Variants in PDIA5 observed in about 807,000 individuals in gnomAD.
PDIA5 encodes the protein protein disulfide isomerase family A member 5, also known as protein disulfide-isomerase A5.
A neutral mutation model predicts 77.6 loss-of-function variants in PDIA5; 58 were observed. The ratio of observed to expected loss-of-function variants is 0.75; its 90% CI spans 0.61 to 0.93. The LOEUF is 0.93. Ranked by LOEUF, PDIA5 falls within the 40% of genes least tolerant of loss-of-function variation. The pLI is 0.00. For synonymous variants in PDIA5, 250 were observed against 252.1 expected (o/e 0.99, Z 0.08); for missense variants, 630 against 647.7 (o/e 0.97, Z 0.30).
intron 6 of PDIA5, among the ~76,000 whole-genome samples, chr3:123,107,898 C>T (rs1356920444): frequency 6.6e-6 from 1 of 151,986 alleles, no homozygotes; most frequent in Non-Finnish European, 1.5e-5. Context: ...AATTCCTGGG[C>T]TCAAGCAATC....
At chr3:123,130,930 T>C (rs892326250) in intron 11 of PDIA5, among the ~76,000 whole-genome samples, 1 of 152,142 alleles carries the variant, frequency 6.6e-6, no homozygotes, top group Non-Finnish European at 1.5e-5. Context: ...GAAATTAAGC[T>C]GGAAGCACCC....
At chr3:123,067,330 C>A in intron 1 of PDIA5, 124 bp downstream of exon 1, 1 of 840,602 alleles carries the variant, frequency 1.2e-6, no homozygotes, top group Non-Finnish European at 1.6e-6. Flanking sequence ...GGGATGAGGG[C>A]GTGCATGCCA....
Position 123,155,007 on chromosome 3 carries a change from C to T in PDIA5, c.1310C>T (p.Thr437Ile), listed in dbSNP as rs1342051879. 2 of 1,612,562 alleles carry T rather than the reference C, an allele frequency of 1.2e-6. No individual in the cohort carries two copies. Among genetic ancestry groups the T allele is most frequent in the African/African-American group, 2.7e-5 (2 of 74,886 alleles). The change falls in exon 15 of 17, where the codon ACT (threonine) becomes ATT (isoleucine). Residue 437 changes from threonine to isoleucine, a missense_variant. Physicochemically the swap from Thr to Ile is moderately conservative, Grantham distance 89. Coordinates refer to ENST00000316218, the MANE Select transcript of PDIA5 (RefSeq NM_006810.4). The stretch of plus-strand genomic sequence containing the variant: ...TGTAAGAAGGTCATTCCGCACTTTA[C>T]TGCTACTGCTGATGCCTTCAAAGAT... ...PHCKKVIPHF[T>I]ATADAFKDDR... is the part of the protein sequence containing the mutation.
chr3:123,139,247 A>C (rs942583346), intron 11 of PDIA5, among the ~76,000 whole-genome samples: 1 of 152,112 alleles, frequency 6.6e-6, no homozygotes, highest in Non-Finnish European at 1.5e-5. Context: ...TCCTCCTCCA[A>C]CTGTCCCACA....
chr3:123,125,737 G>C (rs574520197), intron 10 of PDIA5, among the ~76,000 whole-genome samples: 2 of 152,080 alleles, frequency 1.3e-5, no homozygotes, highest in African/African-American at 2.4e-5. Flanking sequence ...GCCTACTCTC[G>C]GGAGATAAGG....
chr3:123,087,585 T>C (rs1047608549), intron 1 of PDIA5, among the ~76,000 whole-genome samples: 2 of 152,234 alleles, frequency 1.3e-5, no homozygotes, highest in African/African-American at 2.4e-5. Context: ...TCTATTCTTA[T>C]TTTATGGATG....
At chr3:123,089,355 G>GAGTGGGGCAGA (rs1253773726) in intron 2 of PDIA5, 61 bp downstream of exon 2, 2 of 1,555,242 alleles carry the variant, frequency 1.3e-6, no homozygotes, top group African/African-American at 2.7e-5. Context: ...TCAGGGGAAG[G>GAGTGGGGCAGA]AGTGGGAGGC....
chr3:123,102,697 A>C, intron 4 of PDIA5, 54 bp from the exon 5 acceptor site: 1 of 1,384,216 alleles, frequency 7.2e-7, no homozygotes, highest in South Asian at 1.2e-5. Context: ...AACCAAAGGT[A>C]TGTATCTTCA....
chr3:123,084,953 A>G (rs942531314), intron 1 of PDIA5, among the ~76,000 whole-genome samples: 7 of 152,090 alleles, frequency 4.6e-5, no homozygotes, highest in Non-Finnish European at 1.0e-4. Flanking sequence ...TAACTGGGCA[A>G]TGATGCTTCC....
At chr3:123,099,906 T>C (rs1049962292) in intron 3 of PDIA5, among the ~76,000 whole-genome samples, 1 of 152,258 alleles carries the variant, frequency 6.6e-6, no homozygotes, top group Admixed American at 6.5e-5. Flanking sequence ...GGGATTCTCC[T>C]GTCCAGTTGC....
In PDIA5 at chr3:123,067,076, G is replaced by T; in HGVS notation, c.-89G>T. 1 of 1,096,752 alleles carries T rather than the reference G, an allele frequency of 9.1e-7. No individual in the cohort carries two copies. The highest frequency in any genetic ancestry group is 4.4e-5 in the South Asian group (1 of 22,810). The allele number at this position is 1,096,752 out of a possible 1,614,324, so 67.9% of individuals were successfully genotyped here. A position where few individuals can be genotyped will look rare whatever the true frequency, so the allele number is the denominator to read the frequency against. On this transcript the variant is annotated 5_prime_UTR_variant, in exon 1 of 17. Coordinates refer to ENST00000316218, the MANE Select transcript of PDIA5 (RefSeq NM_006810.4). ...GGGGAGCGGCTGGGAAGTGGCCGTG[G>T]TGGTTGGCCGCGGTGGAGCTAGCAG...
chr3:123,134,019 C>T (rs1935433902), intron 11 of PDIA5, among the ~76,000 whole-genome samples: 1 of 146,732 alleles, frequency 6.8e-6, no homozygotes, highest in African/African-American at 2.5e-5. Flanking sequence ...CTTTTCTTTT[C>T]CTTTTCTTTT....
At chr3:123,077,346 A>G (rs1933881791) in intron 1 of PDIA5, among the ~76,000 whole-genome samples, 1 of 152,208 alleles carries the variant, frequency 6.6e-6, no homozygotes, top group Admixed American at 6.5e-5. Context: ...TCATACAATA[A>G]GCACTCTACT....
At chr3:123,143,122 C>T (rs945330404) in intron 11 of PDIA5, among the ~76,000 whole-genome samples, 2 of 151,650 alleles carry the variant, frequency 1.3e-5, no homozygotes, top group Admixed American at 6.6e-5. Flanking sequence ...CATGGTGGCT[C>T]ACACCTGTAA....
Position 123,106,775 on chromosome 3 carries a change from A to G in PDIA5, c.414A>G (p.Pro138=). The stretch of plus-strand genomic sequence containing the variant: ...CCATAGTGGCCTTTTTGAAGGATCC[A>G]AAAGGGCCCCCACTGTGGGAGGAAG... ...FKSIVAFLKD[P]KGPPLWEEDP... is the part of the protein sequence containing the mutation. The change falls in exon 6 of 17, where the codon CCA becomes CCG. Residue 138 remains proline, a synonymous_variant. Coordinates refer to ENST00000316218, the MANE Select transcript of PDIA5 (RefSeq NM_006810.4). 1.2e-6 allele frequency: 2 copies of G among 1,612,366 alleles called. No homozygotes were observed. Among genetic ancestry groups the G allele is most frequent in the East Asian group, 2.2e-5 (1 of 44,862 alleles).
At chr3:123,102,867 C>A in intron 5 of PDIA5, 71 bp downstream of exon 5, 3 of 1,021,540 alleles carry the variant, frequency 2.9e-6, no homozygotes, top group Non-Finnish European at 4.7e-6. Context: ...CAGGTTTTCT[C>A]TCTGAGAAAA....
Position 123,145,520 on chromosome 3 carries a change from A to C in PDIA5, c.911-2A>C. On this transcript the variant is annotated splice_acceptor_variant, in intron 11 of 16. Coordinates refer to ENST00000316218, the MANE Select transcript of PDIA5 (RefSeq NM_006810.4). LOFTEE classifies it high-confidence loss of function. Reference sequence around the variant, plus strand: ...ATGGTTTCTCTTGATCTCTCCCCACAGGGTGTGGCCACTGTAAGAAAATGA... The same window carrying C: ...ATGGTTTCTCTTGATCTCTCCCCACCGGGTGTGGCCACTGTAAGAAAATGA... 4 of 1,613,360 alleles carry C rather than the reference A, an allele frequency of 2.5e-6. No homozygotes were observed. The highest frequency in any genetic ancestry group is 3.4e-6 in the Non-Finnish European group (4 of 1,179,266).
intron 8 of PDIA5, among the ~76,000 whole-genome samples, chr3:123,122,597 G>C (rs559506466): frequency 6.6e-6 from 1 of 152,286 alleles, no homozygotes; most frequent in Non-Finnish European, 1.5e-5. Flanking sequence ...AGGAAGACTT[G>C]GTAGGAAGAT....
chr3:123,150,454 A>G (rs1390742952), intron 14 of PDIA5, 90 bp downstream of exon 14: 2 of 1,303,420 alleles, frequency 1.5e-6, no homozygotes, highest in Admixed American at 4.6e-5. Context: ...CCCAGGGACC[A>G]AGGCAGCCGC....
Sources: allele counts gnomAD v4.1 joint callset (sites outside exome capture counted in the v4.1 genomes callset), GRCh38; gene constraint gnomAD v4.1.1; transcripts MANE v1.5; gene names NCBI Gene and HGNC (gene_info 2026-07-23, HGNC 2026-07-21).